The following NXNL2 variants were observed in gnomAD, a reference collection of about 807,000 sequenced individuals.
The protein encoded by NXNL2 is nucleoredoxin-like protein 2.
In NXNL2, 7 loss-of-function variants were observed where a neutral mutation model predicts 11.1. That is an observed-to-expected ratio of 0.63 (90% CI 0.36 to 1.18). The LOEUF (loss-of-function observed/expected upper bound fraction) is 1.18. Ranked by LOEUF, NXNL2 falls within the 50% of genes most tolerant of loss-of-function variation. The probability of loss-of-function intolerance (pLI) is 0.02; values close to 1 mark genes in which losing one functional copy is unlikely to be tolerated. For missense variants in NXNL2, 233 were observed against 217.7 expected (o/e 1.07, Z -0.44); for synonymous variants, 109 against 101.8 (o/e 1.07, Z -0.42).
intron 1 of NXNL2, among the ~76,000 whole-genome samples, chr9:88,550,018 G>A (rs1228188758): frequency 2.0e-5 from 3 of 152,004 alleles, no homozygotes; most frequent in Non-Finnish European, 2.9e-5. Context: ...GTAGAGATGG[G>A]ATTTCTCCAT....
intron 1 of NXNL2, among the ~76,000 whole-genome samples, chr9:88,539,556 G>A (rs1194358256): frequency 2.6e-5 from 4 of 152,048 alleles, no homozygotes; most frequent in Non-Finnish European, 4.4e-5. Context: ...ACTGCCCAAA[G>A]TACAGATGCT....
chr9:88,576,461 G>A (rs1023679712), downstream of NXNL2, among the ~76,000 whole-genome samples: 13 of 152,170 alleles, frequency 8.5e-5, no homozygotes, highest in African/African-American at 3.1e-4. Flanking sequence ...TTCTCCCCGT[G>A]CAGGGTGAGC....
chr9:88,563,316 C>T (rs1363133976), intron 1 of NXNL2, among the ~76,000 whole-genome samples: 1 of 152,192 alleles, frequency 6.6e-6, no homozygotes, highest in Non-Finnish European at 1.5e-5. Context: ...CTGAATTTCT[C>T]ATGTCGCAGC....
At chr9:88,571,685 T>C (rs1830267830) in intron 2 of NXNL2, among the ~76,000 whole-genome samples, 1 of 152,140 alleles carries the variant, frequency 6.6e-6, no homozygotes, top group Non-Finnish European at 1.5e-5. Context: ...CAAGTTCCTG[T>C]GTCAGTAGGT....
downstream of NXNL2, among the ~76,000 whole-genome samples, chr9:88,579,984 A>C (rs566700745): frequency 1.3e-5 from 2 of 151,908 alleles, no homozygotes; most frequent in South Asian, 4.2e-4. Flanking sequence ...ATAATAATGC[A>C]AAAAAATTAG....
At chr9:88,535,776 G>A in intron 1 of NXNL2, 40 bp downstream of exon 1, 1 of 1,491,458 alleles carries the variant, frequency 6.7e-7, no homozygotes, top group Non-Finnish European at 8.9e-7. Flanking sequence ...CGCCCGGCAC[G>A]TCTCCCCCAT....
chr9:88,577,646 A>AG (rs1554707585), downstream of NXNL2, among the ~76,000 whole-genome samples: 1 of 144,080 alleles, frequency 6.9e-6, no homozygotes, highest in Non-Finnish European at 1.5e-5. Context: ...AGAGAGAGAG[A>AG]AGAGAGCGAG....
intron 1 of NXNL2, 90 bp downstream of exon 1, chr9:88,535,826 A>G (rs1280289113): frequency 1.0e-6 from 1 of 1,000,144 alleles, no homozygotes. Flanking sequence ...GGAGCTCTTT[A>G]TGACGCCCCC....
chr9:88,535,477 G>T lies in NXNL2; in HGVS notation c.43G>T (p.Gly15Cys), dbSNP rs1829586334. Reference sequence around the variant, plus strand: ...CGAGCGGCACCTGGTGACCTGTAAGGGCGCGACGGTGGAGGCCGAGGCGGC... The same window carrying T: ...CGAGCGGCACCTGGTGACCTGTAAGTGCGCGACGGTGGAGGCCGAGGCGGC... ...LGERHLVTCKGATVEAEAALQ... is the reference protein window; with the variant it reads ...LGERHLVTCKCATVEAEAALQ... The change falls in exon 1 of 2, where the codon GGC becomes TGC. Residue 15 changes from glycine (G) to cysteine (C), a missense_variant. By Grantham distance (159) the Gly-to-Cys change is radical. Coordinates refer to ENST00000375854, the MANE Select transcript of NXNL2 (RefSeq NM_001161625.2). 2 of 1,608,802 alleles carry T rather than the reference G, an allele frequency of 1.2e-6. No individual in the cohort carries two copies. Among genetic ancestry groups the T allele is most frequent in the Non-Finnish European group, 1.7e-6 (2 of 1,178,520 alleles).
chr9:88,543,336 G>A lies in NXNL2; in HGVS notation c.303-1043G>A, dbSNP rs560052267. Among the ~76,000 whole-genome samples, 4 of 151,488 alleles carry A rather than the reference G, an allele frequency of 2.6e-5. No homozygotes were observed. The South Asian group carries it at 6.3e-4, about 24-fold the overall frequency. ...GGCTGGAATGTAGAGGCACTAACAC[G>A]GCTCACTGCAGCCTCGACCTCCTGG... On this transcript the variant is annotated intron_variant, in intron 1 of 1. Transcript: ENST00000375854.
At chr9:88,548,337 CT>C (rs1829874661), downstream of NXNL2, among the ~76,000 whole-genome samples, 2 of 42,716 alleles carry the variant, frequency 4.7e-5, no homozygotes, top group African/African-American at 2.2e-4. Context: ...AAGACTTTTT[CT>C]CAAAAAAAAA....
downstream of NXNL2, among the ~76,000 whole-genome samples, chr9:88,577,703 G>A (rs972164479): frequency 2.0e-5 from 3 of 152,110 alleles, no homozygotes; most frequent in East Asian, 1.9e-4. Context: ...AGGATGCATC[G>A]TCATATTGAA....
intron 1 of NXNL2, among the ~76,000 whole-genome samples, chr9:88,552,040 C>A (rs997400146): frequency 6.6e-6 from 1 of 152,202 alleles, no homozygotes; most frequent in African/African-American, 2.4e-5. Context: ...ACACATCACA[C>A]TCTTCCTTAT....
At chr9:88,550,953 T>G (rs1829922414) in intron 1 of NXNL2, among the ~76,000 whole-genome samples, 1 of 152,190 alleles carries the variant, frequency 6.6e-6, no homozygotes, top group Non-Finnish European at 1.5e-5. Context: ...GGTTGCTTAT[T>G]TACTTCTCAA....
chr9:88,543,997 C>A (rs1366224300), intron 1 of NXNL2, among the ~76,000 whole-genome samples: 2 of 152,166 alleles, frequency 1.3e-5, no homozygotes, highest in Non-Finnish European at 2.9e-5. Flanking sequence ...TGGTGAAACC[C>A]CATCTCTACT....
chr9:88,562,892 A>G (rs958809900), intron 1 of NXNL2, among the ~76,000 whole-genome samples: 3 of 152,146 alleles, frequency 2.0e-5, no homozygotes, highest in African/African-American at 4.8e-5. Context: ...GATCGAGACC[A>G]TCCTGGCCAA....
At chr9:88,555,026 T>C (rs1413875998) in intron 1 of NXNL2, among the ~76,000 whole-genome samples, 3 of 152,224 alleles carry the variant, frequency 2.0e-5, no homozygotes. Context: ...CCTCATTTAT[T>C]GTCCTGTACC....
intron 1 of NXNL2, among the ~76,000 whole-genome samples, chr9:88,582,529 C>G (rs1830420299): frequency 6.6e-6 from 1 of 152,114 alleles, no homozygotes; most frequent in African/African-American, 2.4e-5. Context: ...GCACCATTAG[C>G]AAGTATTAAG....
At chr9:88,575,665 GA>G (rs1254463871) in exon 3 of NXNL2, 1 of 152,102 alleles carries the variant, frequency 6.6e-6, no homozygotes, top group Non-Finnish European at 1.5e-5. Flanking sequence ...AAAATACAAA[GA>G]ATAAATAAGA....
Sources: gnomAD v4.1 joint callset for allele counts (sites outside exome capture counted in the v4.1 genomes callset) on GRCh38, gnomAD v4.1.1 for gene constraint, MANE v1.5 for transcripts, NCBI Gene and HGNC (gene_info 2026-07-23, HGNC 2026-07-21) for gene names.